KLB: variants seen among roughly 807,000 people sequenced by gnomAD.
KLB encodes beta-klotho.
KLB carries 44 observed loss-of-function variants against 88.4 expected under a neutral mutation model. The ratio of observed to expected loss-of-function variants is 0.50; its 90% CI spans 0.39 to 0.64. The LOEUF is 0.64. Among genes scored for constraint, KLB ranks in the 30% least tolerant of loss-of-function variants. KLB has a pLI of 0.00. For missense variants in KLB, 1,137 were observed against 1,304.8 expected, an observed-to-expected ratio of 0.87 and a Z score of 1.98; for synonymous variants, 548 against 513.4, an observed-to-expected ratio of 1.07 and a Z score of -0.91.
At chr4:39,410,045 T>C (rs1742806899) in intron 1 of KLB, among the ~76,000 whole-genome samples, 1 of 152,244 alleles carries the variant, frequency 6.6e-6, no homozygotes, top group African/African-American at 2.4e-5. Context: ...TGTTAATAGT[T>C]TCTTATACAT....
intron 3 of KLB, among the ~76,000 whole-genome samples, chr4:39,443,727 T>C (rs2608825): frequency 0.92 from 135,097 of 146,642 alleles, 62,598 homozygotes; most frequent in Middle Eastern, 0.98. Context: ...CACCATTGCA[T>C]TCCAGCCTGG....
chr4:39,429,961 A>G (rs1743308097), intron 1 of KLB, among the ~76,000 whole-genome samples: 2 of 152,212 alleles, frequency 1.3e-5, no homozygotes, highest in African/African-American at 4.8e-5. Context: ...CTAGGCAAAT[A>G]GCAGCAAAGG....
chr4:39,443,185 G>C (rs1743651899), intron 3 of KLB, among the ~76,000 whole-genome samples: 1 of 152,064 alleles, frequency 6.6e-6, no homozygotes, highest in Admixed American at 6.5e-5. Flanking sequence ...CATTACTGAA[G>C]ATATTACTGT....
intron 1 of KLB, among the ~76,000 whole-genome samples, chr4:39,425,893 G>A (rs540948313): frequency 1.2e-4 from 18 of 152,094 alleles, no homozygotes; most frequent in African/African-American, 1.4e-4. Context: ...TGAGGCGGGC[G>A]GATTACTTGA....
rs1397630690 is a variant in KLB, at chr4:39,439,488, CAG to C, written c.1605+1496_1605+1497del. Among the ~76,000 whole-genome samples the C allele has an allele frequency of 2.1e-5, 3 of 143,938 alleles. No homozygotes were observed. In the Admixed American group the frequency reaches 2.1e-4, roughly 10 times the overall value. 94.4% of individuals were successfully genotyped at this position (143,938 alleles called of 152,430 possible). On this transcript the variant is annotated intron_variant, in intron 3 of 4. Transcript: ENST00000257408. ...TTTGTTTTTGTTTTTGTTTTTGAGA[CAG>C]AGTCTCGCTCTGTTGCCCAGGCTGG...
chr4:39,414,397 C>T (rs756563254), intron 1 of KLB, among the ~76,000 whole-genome samples: 5 of 151,420 alleles, frequency 3.3e-5, no homozygotes, highest in Non-Finnish European at 5.9e-5. Flanking sequence ...TTTCACATAT[C>T]GAGAATAAAG....
chr4:39,428,229 C>T (rs942418651), intron 1 of KLB, among the ~76,000 whole-genome samples: 1 of 152,116 alleles, frequency 6.6e-6, no homozygotes, highest in South Asian at 2.1e-4. Context: ...GAGTTCAAGA[C>T]CAGCTTGGCC....
chr4:39,423,059 T>A (rs2608846), intron 1 of KLB, among the ~76,000 whole-genome samples: 1 of 151,500 alleles, frequency 6.6e-6, no homozygotes, highest in Non-Finnish European at 1.5e-5. Flanking sequence ...GAGCCACCGC[T>A]CCCGGCCTCA....
Position 39,413,199 on chromosome 4 carries a change from T to C in KLB, c.825+5425T>C, listed in dbSNP as rs960363373. 2.6e-5 allele frequency among the ~76,000 whole-genome samples: 4 copies of C among 152,342 alleles called. No individual in the cohort carries two copies. The South Asian group carries it at 6.2e-4, about 24-fold the overall frequency. ...AGTTTTTTCAATCCCAGAAATGTAT[T>C]TGGCCTATGCAGCAAAGCCCCAAGG... On this transcript the variant is annotated intron_variant, in intron 1 of 4. Transcript: ENST00000257408.
At position 39,450,937 on chromosome 4, in the gene KLB, C is replaced by T. The variant is rs1363193325; in HGVS notation, c.*2251C>T. The T allele has an allele frequency of 6.6e-6, 1 of 151,826 alleles. No individual in the cohort carries two copies. Among genetic ancestry groups the T allele is most frequent in the African/African-American group, 2.4e-5 (1 of 41,360 alleles). 9.4% of individuals were successfully genotyped at this position (151,826 alleles called of 1,614,324 possible). A position where few individuals can be genotyped will look rare whatever the true frequency, so the allele number is the denominator to read the frequency against. On this transcript the variant is annotated 3_prime_UTR_variant, in exon 5 of 5. Transcript: ENST00000257408. ...CTTTCAGGTTTTGCTTTCTCTTTCT[C>T]ACTTTGTTTAAAGTATCTCGTACTC...
At chr4:39,427,621 CAT>C in intron 1 of KLB, among the ~76,000 whole-genome samples, 1 of 152,156 alleles carries the variant, frequency 6.6e-6, no homozygotes, top group African/African-American at 2.4e-5. Context: ...TGAGGGCAAA[CAT>C]GTTCAGCCAC....
At chr4:39,422,307 G>T (rs1743106673) in intron 1 of KLB, among the ~76,000 whole-genome samples, 1 of 152,088 alleles carries the variant, frequency 6.6e-6, no homozygotes, top group Admixed American at 6.6e-5. Context: ...AGAGAGGGAG[G>T]TTCAGCTTCT....
intron 1 of KLB, among the ~76,000 whole-genome samples, chr4:39,419,577 C>G (rs1267436467): frequency 1.3e-5 from 2 of 151,900 alleles, no homozygotes; most frequent in African/African-American, 4.8e-5. Flanking sequence ...AGTTCAACAC[C>G]AGCCTGGCCA....
At chr4:39,445,341 G>C (rs1743711816) in intron 3 of KLB, among the ~76,000 whole-genome samples, 1 of 152,154 alleles carries the variant, frequency 6.6e-6, no homozygotes, top group Non-Finnish European at 1.5e-5. Context: ...GACTCTGTCA[G>C]ATCCAAGTGT....
At chr4:39,415,544 G>A (rs908714084) in intron 1 of KLB, among the ~76,000 whole-genome samples, 6 of 151,984 alleles carry the variant, frequency 3.9e-5, no homozygotes, top group African/African-American at 1.4e-4. Flanking sequence ...GTCATAAAAT[G>A]CTTGTCCTTA....
chr4:39,436,847 T>C (rs1461917918), intron 2 of KLB, among the ~76,000 whole-genome samples: 15 of 151,938 alleles, frequency 9.9e-5, no homozygotes. Flanking sequence ...GTAGCTGGGA[T>C]TACAGATGCC....
In KLB at chr4:39,446,826, C is replaced by T. The variant is rs375585848; in HGVS notation, c.2100C>T (p.Ile700=). ...ACGAGCCTAACCGGCTAAGTGACAT[C>T]TACAACCGCTCTGGCAACGACACCT... is the stretch of plus-strand genomic sequence containing the variant. ...TINEPNRLSD[I]YNRSGNDTYG... The change falls in exon 4 of 5, where the codon ATC becomes ATT. Residue 700 remains isoleucine (I), a synonymous_variant. Transcript: ENST00000257408. The surrounding 1 kb of genome is among the most constrained non-coding windows in gnomAD (Gnocchi z 6.4). The T allele has an allele frequency of 1.9e-6, 3 of 1,612,828 alleles. No individual in the cohort carries two copies. In the African/African-American group the frequency reaches 4.0e-5, roughly 22 times the overall value.
In KLB at chr4:39,446,255, G is replaced by A; in HGVS notation, c.1606-77G>A. 7.4e-7 allele frequency: 1 copy of A among 1,358,790 alleles called. No homozygotes were observed. The allele number at this position is 1,358,790 out of a possible 1,614,324, so 84.2% of individuals were successfully genotyped here. A position where few individuals can be genotyped will look rare whatever the true frequency, so the allele number is the denominator to read the frequency against. ...GGTGGCCTGTAATCCCAGCACTTTG[G>A]GAGGCAGAGGTAGGCAGATCACTTG... On this transcript the variant is annotated intron_variant, in intron 3 of 4. Coordinates refer to ENST00000257408, the MANE Select transcript of KLB (RefSeq NM_175737.4). This position sits in a 1 kb window ranked among gnomAD's most constrained non-coding sequence, Gnocchi z 6.4.
At position 39,449,016 on chromosome 4, in the gene KLB, A is replaced by C. The variant is rs116491942; in HGVS notation, c.*330A>C. ...ACCAATAGCTACTTGTGGTACAATA[A>C]ATTATTTTTAAGAAGTAAAACTCTG... On this transcript the variant is annotated 3_prime_UTR_variant, in exon 5 of 5. Transcript: ENST00000257408. 4.3e-3 allele frequency: 877 copies of C among 204,770 alleles called. 11 individuals are homozygous for C. Among genetic ancestry groups the C allele is most frequent in the African/African-American group, 0.018 (759 of 43,316 alleles). The allele number at this position is 204,770 out of a possible 1,614,324, so 12.7% of individuals were successfully genotyped here.
Sources: gnomAD v4.1 joint callset for allele counts (sites outside exome capture counted in the v4.1 genomes callset) on GRCh38, gnomAD v4.1.1 for gene constraint, Gnocchi (gnomAD v3.1) non-coding constraint, MANE v1.5 for transcripts, NCBI Gene and HGNC (gene_info 2026-07-23, HGNC 2026-07-21) for gene names.